GLI3: variants seen among roughly 807,000 people sequenced by gnomAD.
The protein encoded by GLI3 is transcription activator GLI3.
GLI3 carries 20 observed loss-of-function variants against 100.8 expected under a neutral mutation model. The ratio of observed to expected loss-of-function variants is 0.20; its 90% CI spans 0.14 to 0.29. GLI3 has a LOEUF of 0.29. GLI3 is among the 10% of genes least tolerant of loss of function. The pLI is 1.00. For missense variants in GLI3, 2,040 were observed against 2,128.5 expected (o/e 0.96, Z 0.82); for synonymous variants, 938 against 860.5 (o/e 1.09, Z -1.58).
chr7:42,098,299 T>A (rs1785385611), intron 3 of GLI3, among the ~76,000 whole-genome samples: 1 of 152,148 alleles, frequency 6.6e-6, no homozygotes, highest in African/African-American at 2.4e-5. Context: ...CTGTGTAATG[T>A]ACTAAAAACT....
At chr7:42,155,610 T>G (rs1315098154) in intron 2 of GLI3, among the ~76,000 whole-genome samples, 2 of 152,122 alleles carry the variant, frequency 1.3e-5, no homozygotes, top group Non-Finnish European at 2.9e-5. Context: ...AGCAGCAGGT[T>G]AGAGCTCAAA....
rs750002436 is a variant in GLI3 at position 41,966,220 on chromosome 7, C to A, written c.2853G>T (p.Met951Ile). 6.2e-7 allele frequency: 1 copy of A among 1,608,630 alleles called. No homozygotes were observed. The highest frequency in any genetic ancestry group is 1.1e-5 in the South Asian group (1 of 90,912). The change falls in exon 15 of 15, where the codon ATG (methionine) becomes ATT (isoleucine). Residue 951 changes from methionine (M) to isoleucine (I), a missense_variant. Coordinates refer to ENST00000395925, the MANE Select transcript of GLI3 (RefSeq NM_000168.6). The surrounding 1 kb of genome is among the most constrained non-coding windows in gnomAD (Gnocchi z 5.8). Reference protein sequence around the residue: ...PPTPLPNMERMSLKTRLALLG... With the variant: ...PPTPLPNMERISLKTRLALLG... Reference sequence around the variant, plus strand: ...GCAGCGCCAGGCGCGTCTTCAGGCTCATCCTCTCCATGTTGGGCAGGGGCG... The same window carrying A: ...GCAGCGCCAGGCGCGTCTTCAGGCTAATCCTCTCCATGTTGGGCAGGGGCG...
intron 3 of GLI3, among the ~76,000 whole-genome samples, chr7:42,095,084 G>T (rs894149368): frequency 6.6e-6 from 1 of 152,188 alleles, no homozygotes; most frequent in African/African-American, 2.4e-5. Context: ...CTGCTCGGGG[G>T]CAAGGGCGTG....
chr7:42,034,738 T>C (rs777211378), intron 7 of GLI3, among the ~76,000 whole-genome samples: 18 of 152,164 alleles, frequency 1.2e-4, no homozygotes, highest in Admixed American at 2.0e-4. Flanking sequence ...TGCTATTCTT[T>C]CTTAACATCT....
chr7:41,970,261 G>A (rs951135987), intron 13 of GLI3, among the ~76,000 whole-genome samples: 1 of 152,116 alleles, frequency 6.6e-6, no homozygotes, highest in Non-Finnish European at 1.5e-5. Flanking sequence ...TTAATTTATA[G>A]CATGATGATC....
At chr7:42,177,701 G>GA (rs1159763970) in intron 2 of GLI3, among the ~76,000 whole-genome samples, 2 of 152,270 alleles carry the variant, frequency 1.3e-5, no homozygotes, top group Non-Finnish European at 2.9e-5. Context: ...AAATTAATGT[G>GA]AAAAAACATA....
At position 42,117,546 on chromosome 7, in the gene GLI3, T is replaced by C. The variant is rs182234458; in HGVS notation, c.367+30680A>G. 3.1e-3 allele frequency among the ~76,000 whole-genome samples: 475 copies of C among 152,260 alleles called. 2 individuals are homozygous for C. The highest frequency in any genetic ancestry group is 0.014 in the South Asian group (70 of 4,828). The stretch of plus-strand genomic sequence containing the variant: ...TGGGGAAGCTTTCCCATCTGATGGG[T>C]GCGATTCTGACCCAATGAAATGGGT... On this transcript the variant is annotated intron_variant, in intron 3 of 14. Coordinates refer to ENST00000395925, the MANE Select transcript of GLI3 (RefSeq NM_000168.6).
chr7:41,966,198 G>A lies in GLI3; in HGVS notation c.2875C>T (p.Leu959=). The A allele has an allele frequency of 1.2e-6, 2 of 1,606,224 alleles. No homozygotes were observed. Among genetic ancestry groups the A allele is most frequent in the Non-Finnish European group, 1.7e-6 (2 of 1,178,338 alleles). ...CCAGGCTCGAGGGCATCCCCGAGCA[G>A]CGCCAGGCGCGTCTTCAGGCTCATC... The part of the protein sequence containing the change: ...ERMSLKTRLA[L]LGDALEPGVA... The change falls in exon 15 of 15, where the codon CTG becomes TTG. Residue 959 remains leucine, a synonymous_variant. Transcript: ENST00000395925. This position sits in a 1 kb window ranked among gnomAD's most constrained non-coding sequence, Gnocchi z 5.8.
intron 2 of GLI3, among the ~76,000 whole-genome samples, chr7:42,220,922 A>G (rs1290480361): frequency 2.0e-5 from 3 of 152,194 alleles, no homozygotes; most frequent in African/African-American, 7.2e-5. Context: ...GACAGCTATC[A>G]CTCAGGCATG....
chr7:42,142,488 C>T (rs185188152), intron 3 of GLI3, among the ~76,000 whole-genome samples: 2 of 152,222 alleles, frequency 1.3e-5, no homozygotes, highest in East Asian at 3.9e-4. Context: ...AATTTATCCT[C>T]AAAATTGATG....
intron 10 of GLI3, among the ~76,000 whole-genome samples, chr7:42,005,828 T>TG (rs1485021209): frequency 1.3e-5 from 2 of 152,176 alleles, no homozygotes. Context: ...GGGTTCCCCT[T>TG]GGAGTCCTCT....
intron 2 of GLI3, among the ~76,000 whole-genome samples, chr7:42,197,889 G>A (rs192623106): frequency 6.6e-6 from 1 of 152,234 alleles, no homozygotes; most frequent in East Asian, 1.9e-4. Flanking sequence ...GTGTTTAAAG[G>A]GAACCAGTCA....
chr7:42,188,754 A>C (rs951447801), intron 2 of GLI3, among the ~76,000 whole-genome samples: 7 of 152,244 alleles, frequency 4.6e-5, no homozygotes, highest in African/African-American at 1.7e-4. Flanking sequence ...TCTATGTACT[A>C]TATGATTCCA....
At chr7:41,995,950 A>G (rs1057001976) in intron 10 of GLI3, among the ~76,000 whole-genome samples, 2 of 152,174 alleles carry the variant, frequency 1.3e-5, no homozygotes, top group Non-Finnish European at 2.9e-5. Flanking sequence ...TTGGTTGGCA[A>G]TGGGTCTGAC....
At chr7:42,156,377 G>A (rs1189454906) in intron 2 of GLI3, among the ~76,000 whole-genome samples, 1 of 152,154 alleles carries the variant, frequency 6.6e-6, no homozygotes, top group Non-Finnish European at 1.5e-5. Context: ...AAATTCCCTG[G>A]AGGGTCAAAA....
At chr7:42,023,697 C>CA in intron 9 of GLI3, 89 bp from the exon 10 acceptor site, 1 of 1,257,606 alleles carries the variant, frequency 8.0e-7, no homozygotes, top group Non-Finnish European at 1.2e-6. Context: ...AGTAAAAACC[C>CA]AATTTAGATT....
intron 3 of GLI3, among the ~76,000 whole-genome samples, chr7:42,097,003 C>A (rs1167906565): frequency 6.6e-6 from 1 of 152,180 alleles, no homozygotes; most frequent in African/African-American, 2.4e-5. Context: ...CTCAATTTCA[C>A]CCCCTTCACA....
At chr7:42,105,775 T>C (rs961115033) in intron 3 of GLI3, among the ~76,000 whole-genome samples, 2 of 152,086 alleles carry the variant, frequency 1.3e-5, no homozygotes, top group African/African-American at 4.8e-5. Context: ...CAGCTCTCCA[T>C]ACACATCTGT....
intron 7 of GLI3, among the ~76,000 whole-genome samples, chr7:42,035,138 T>C (rs551991952): frequency 2.0e-5 from 3 of 152,030 alleles, no homozygotes; most frequent in African/African-American, 4.8e-5. Context: ...CATCTCCAAA[T>C]TTTTAGAAGA....
Sources: allele counts gnomAD v4.1 joint callset (sites outside exome capture counted in the v4.1 genomes callset), GRCh38; gene constraint gnomAD v4.1.1; non-coding constraint Gnocchi (gnomAD v3.1); transcripts MANE v1.5; gene names NCBI Gene and HGNC (gene_info 2026-07-23, HGNC 2026-07-21).